The following EFCAB6 variants were observed in gnomAD, a reference collection of about 807,000 sequenced individuals.
The protein encoded by EFCAB6 is EF-hand calcium binding domain 6.
In EFCAB6, 156 loss-of-function variants were observed where a neutral mutation model predicts 169.8. The ratio of observed to expected loss-of-function variants is 0.92; its 90% CI spans 0.81 to 1.05. EFCAB6 has a LOEUF of 1.05. Among genes scored for constraint, EFCAB6 ranks in the 50% least tolerant of loss-of-function variants. The pLI is 0.00. For synonymous variants in EFCAB6, 698 were observed against 676.4 expected, an observed-to-expected ratio of 1.03 and a Z score of -0.50; for missense variants, 1,800 against 1,829.1, an observed-to-expected ratio of 0.98 and a Z score of 0.29.
At chr22:43,546,606 C>A (rs942922863) in intron 27 of EFCAB6, among the ~76,000 whole-genome samples, 16 of 152,182 alleles carry the variant, frequency 1.1e-4, no homozygotes, top group African/African-American at 3.9e-4. Context: ...CGTGGTGGCT[C>A]ACGCCTGTAA....
chr22:43,773,075 G>A lies in EFCAB6; in HGVS notation c.168C>T (p.Ser56=), dbSNP rs8142862. The A allele has an allele frequency of 8.2e-4, 1,329 of 1,614,186 alleles. 10 individuals are homozygous for A. In the African/African-American group the frequency reaches 0.016, roughly 20 times the overall value. The change falls in exon 4 of 32, where the codon TCC becomes TCT. Residue 56 remains serine, a synonymous_variant. Coordinates refer to ENST00000262726, the MANE Select transcript of EFCAB6 (RefSeq NM_022785.4). ...STTAVANPTL[S]SLDVKRILFQ... ...ATAAAATCCGTTTAACATCTAAGGA[G>A]GACAGTGTTGGATTTGCAACAGCTG...
chr22:43,683,908 T>C (rs1603204317), intron 11 of EFCAB6, 53 bp from the exon 12 acceptor site: 10 of 1,425,220 alleles, frequency 7.0e-6, no homozygotes, highest in Non-Finnish European at 8.9e-6. Context: ...TTGAACTTTG[T>C]TCTTTTCTTA....
chr22:43,640,188 G>A (rs912984401), intron 17 of EFCAB6, among the ~76,000 whole-genome samples: 5 of 152,158 alleles, frequency 3.3e-5, no homozygotes, highest in Non-Finnish European at 7.3e-5. Context: ...ATAATTTGGG[G>A]TTATATCCTG....
intron 2 of EFCAB6, among the ~76,000 whole-genome samples, chr22:43,784,511 A>ATATGTGTGTG (rs1382847722): frequency 6.6e-5 from 6 of 91,392 alleles, no homozygotes; most frequent in South Asian, 7.9e-4. Context: ...AAATATATAT[A>ATATGTGTGTG]TGTGTGTGTG....
chr22:43,731,137 T>C (rs1214077720), intron 8 of EFCAB6, among the ~76,000 whole-genome samples: 1 of 152,144 alleles, frequency 6.6e-6, no homozygotes, highest in Non-Finnish European at 1.5e-5. Context: ...TCTCCAAAGC[T>C]ACCCAGCAGG....
rs754522349 is a variant in EFCAB6 at position 43,772,959 on chromosome 22, A to G, written c.284T>C (p.Leu95Pro). ...CAGGAAGTCTGTGATGATTCTTCTC[A>G]GTTCACTTTTTGACACAGTCAAGTT... ...GQNLTVSKSE[L>P]RRIITDFLMP... The change falls in exon 4 of 32, where the codon CTG becomes CCG. Residue 95 changes from leucine (L) to proline (P), a missense_variant. Transcript: ENST00000262726. 3.7e-6 allele frequency: 6 copies of G among 1,614,236 alleles called. No individual in the cohort carries two copies. The East Asian group carries it at 8.9e-5, about 24-fold the overall frequency.
intron 13 of EFCAB6, among the ~76,000 whole-genome samples, chr22:43,673,278 A>G (rs139892658): frequency 6.6e-6 from 1 of 152,310 alleles, no homozygotes; most frequent in African/African-American, 2.4e-5. Flanking sequence ...TATACATATC[A>G]TTCTCTTTAA....
At chr22:43,613,859 G>T (rs563285772) in intron 21 of EFCAB6, among the ~76,000 whole-genome samples, 1 of 152,162 alleles carries the variant, frequency 6.6e-6, no homozygotes, top group African/African-American at 2.4e-5. Context: ...AGGAATGGTG[G>T]TATGCACCTG....
At position 43,678,138 on chromosome 22, in the gene EFCAB6, T is replaced by C. The variant is rs1178016525; in HGVS notation, c.1277A>G (p.Glu426Gly). The C allele has an allele frequency of 6.2e-7, 1 of 1,613,098 alleles. No individual in the cohort carries two copies. The highest frequency in any genetic ancestry group is 8.5e-7 in the Non-Finnish European group (1 of 1,179,910). Residue 426 changes from glutamate to glycine, a missense_variant, in exon 13 of 32, where the codon GAA (glutamate) becomes GGA (glycine). Glu to Gly is a moderately conservative substitution (Grantham distance 98). Coordinates refer to ENST00000262726, the MANE Select transcript of EFCAB6 (RefSeq NM_022785.4). ...GCAATTTAGAATATATCGAAATTCT[T>C]CTCTTGTTATCGGTCCATCGGGTTT... ...NTKPDGPITR[E>G]EFRYILNCMA...
At chr22:43,592,616 A>G (rs1449544774) in intron 23 of EFCAB6, among the ~76,000 whole-genome samples, 1 of 152,210 alleles carries the variant, frequency 6.6e-6, no homozygotes, top group Non-Finnish European at 1.5e-5. Flanking sequence ...AAACGGTGTC[A>G]GCCGACACTC....
intron 5 of EFCAB6, among the ~76,000 whole-genome samples, chr22:43,763,228 G>A (rs1166605591): frequency 6.6e-6 from 1 of 151,912 alleles, no homozygotes; most frequent in Non-Finnish European, 1.5e-5. Flanking sequence ...TAGTAGAGAT[G>A]GGGTTTTGCT....
chr22:43,579,780 C>G (rs1444338669), intron 25 of EFCAB6, among the ~76,000 whole-genome samples: 1 of 150,060 alleles, frequency 6.7e-6, no homozygotes, highest in Non-Finnish European at 1.5e-5. Flanking sequence ...GCATCATTCC[C>G]TACAGGCAAG....
chr22:43,672,155 A>G (rs2057520715), intron 14 of EFCAB6, 22 bp from the exon 15 acceptor site: 3 of 1,612,924 alleles, frequency 1.9e-6, no homozygotes, highest in Admixed American at 3.3e-5. Context: ...AAACAAACAT[A>G]TTTCCTAAGC....
chr22:43,542,764 C>T (rs1184646454), intron 27 of EFCAB6, among the ~76,000 whole-genome samples: 3 of 152,030 alleles, frequency 2.0e-5, no homozygotes, highest in Non-Finnish European at 2.9e-5. Flanking sequence ...ATGGGCCTAA[C>T]GGCACCAGGA....
chr22:43,609,081 A>G (rs1376593472), intron 21 of EFCAB6, among the ~76,000 whole-genome samples: 1 of 152,258 alleles, frequency 6.6e-6, no homozygotes, highest in Non-Finnish European at 1.5e-5. Context: ...TAAGAGGACC[A>G]CAGACTTGAA....
At chr22:43,659,873 G>A (rs1420496265) in intron 17 of EFCAB6, among the ~76,000 whole-genome samples, 1 of 152,198 alleles carries the variant, frequency 6.6e-6, no homozygotes, top group Non-Finnish European at 1.5e-5. Flanking sequence ...CTCGGGCTAA[G>A]CCAGGTGAGA....
chr22:43,717,304 A>G (rs1405679977), intron 8 of EFCAB6, among the ~76,000 whole-genome samples: 1 of 152,050 alleles, frequency 6.6e-6, no homozygotes, highest in Non-Finnish European at 1.5e-5. Flanking sequence ...TGCCAAGGAA[A>G]ACACTAAAGC....
At chr22:43,653,591 C>T (rs186831573) in intron 17 of EFCAB6, among the ~76,000 whole-genome samples, 53 of 152,192 alleles carry the variant, frequency 3.5e-4, no homozygotes, top group Non-Finnish European at 6.2e-4. Flanking sequence ...TTCACAGAAC[C>T]ATCAGAGAAA....
At chr22:43,672,189 C>A in intron 14 of EFCAB6, 56 bp from the exon 15 acceptor site, 1 of 1,613,788 alleles carries the variant, frequency 6.2e-7, no homozygotes, top group Non-Finnish European at 8.5e-7. Context: ...CCTCTTGTAA[C>A]AGTAACCTCA....
Sources: allele counts gnomAD v4.1 joint callset (sites outside exome capture counted in the v4.1 genomes callset), GRCh38; gene constraint gnomAD v4.1.1; transcripts MANE v1.5; gene names NCBI Gene and HGNC (gene_info 2026-07-23, HGNC 2026-07-21).